NBEA: variants seen among roughly 807,000 people sequenced by gnomAD.
NBEA encodes lysosomal-trafficking regulator 2.
NBEA carries 44 observed loss-of-function variants against 343.4 expected under a neutral mutation model. The observed-to-expected ratio is 0.13, with a 90% CI of 0.10 to 0.16. NBEA has a LOEUF of 0.16. Ranked by LOEUF, NBEA falls within the 10% of genes least tolerant of loss-of-function variation. The pLI is 1.00. For synonymous variants in NBEA, 1,175 were observed against 1,238.7 expected, an observed-to-expected ratio of 0.95 and a Z score of 1.08; for missense variants, 2,555 against 3,631.3, an observed-to-expected ratio of 0.70 and a Z score of 7.62.
chr13:34,984,747 C>A (rs976974807), intron 1 of NBEA, among the ~76,000 whole-genome samples: 5 of 150,810 alleles, frequency 3.3e-5, no homozygotes, highest in Non-Finnish European at 7.4e-5. Flanking sequence ...TTGAAGAGGT[C>A]CTTCACATCC....
intron 41 of NBEA, among the ~76,000 whole-genome samples, chr13:35,517,771 A>G (rs1012934828): frequency 2.3e-4 from 35 of 152,274 alleles, no homozygotes; most frequent in Non-Finnish European, 4.3e-4. Flanking sequence ...GTCTTTTATT[A>G]TTTCTATAGT....
intron 17 of NBEA, among the ~76,000 whole-genome samples, chr13:35,129,517 A>C (rs1208451811): frequency 6.6e-6 from 1 of 152,138 alleles, no homozygotes; most frequent in Admixed American, 6.6e-5. Flanking sequence ...CATTAAACAG[A>C]TTAGACAAAG....
At chr13:35,235,440 A>G (rs2075180775) in intron 34 of NBEA, among the ~76,000 whole-genome samples, 1 of 152,218 alleles carries the variant, frequency 6.6e-6, no homozygotes, top group South Asian at 2.1e-4. Context: ...ATGTATAAAT[A>G]CTGACCAAAG....
At chr13:35,510,100 T>G (rs2077219094) in intron 41 of NBEA, among the ~76,000 whole-genome samples, 1 of 152,202 alleles carries the variant, frequency 6.6e-6, no homozygotes. Flanking sequence ...TTGAAAACAT[T>G]TGAAATGGGT....
chr13:35,619,341 T>C (rs1223206512), intron 48 of NBEA, among the ~76,000 whole-genome samples: 1 of 151,958 alleles, frequency 6.6e-6, no homozygotes, highest in Non-Finnish European at 1.5e-5. Flanking sequence ...CCAGTGAGCA[T>C]GACATAGAGT....
At chr13:35,148,544 G>A (rs1452913628) in intron 18 of NBEA, among the ~76,000 whole-genome samples, 1 of 151,872 alleles carries the variant, frequency 6.6e-6, no homozygotes, top group Non-Finnish European at 1.5e-5. Context: ...GCAAAAACTT[G>A]GAAAATGTAG....
chr13:35,413,933 T>C (rs185485364), intron 38 of NBEA, among the ~76,000 whole-genome samples: 13 of 152,234 alleles, frequency 8.5e-5, no homozygotes, highest in Admixed American at 7.2e-4. Flanking sequence ...GTATCATACA[T>C]GAGATAATAA....
intron 34 of NBEA, among the ~76,000 whole-genome samples, chr13:35,260,987 A>G (rs879862665): frequency 1.3e-5 from 2 of 152,234 alleles, no homozygotes; most frequent in Non-Finnish European, 2.9e-5. Context: ...CAGTAACTCA[A>G]TTATGAGAAC....
In NBEA at chr13:35,668,497, A is replaced by G. The variant is rs1332444081; in HGVS notation, c.8791A>G (p.Met2931Val). ...YPGCDAGIRA[M>V]DLSHDQRTLI... Reference sequence around the variant, plus strand: ...TGGATGTGATGCTGGCATTAGAGCAATGGACTTGTCCCATGACCAGAGGTG... The same window carrying G: ...TGGATGTGATGCTGGCATTAGAGCAGTGGACTTGTCCCATGACCAGAGGTG... Residue 2931 changes from methionine (M) to valine (V), a missense_variant, in exon 58 of 59, where the codon ATG (methionine) becomes GTG (valine). Transcript: ENST00000379939. 1 of 1,610,028 alleles carries G rather than the reference A, an allele frequency of 6.2e-7. No homozygotes were observed. The highest frequency in any genetic ancestry group is 1.1e-5 in the South Asian group (1 of 90,170).
In NBEA at chr13:34,942,628, C is replaced by T. The variant is rs2059063279; in HGVS notation, c.-193C>T. 3 of 327,942 alleles carry T rather than the reference C, an allele frequency of 9.1e-6. No individual in the cohort carries two copies. Among genetic ancestry groups the T allele is most frequent in the South Asian group, 1.4e-4 (1 of 7,344 alleles). The allele number at this position is 327,942 out of a possible 1,614,324, so 20.3% of individuals were successfully genotyped here. On this transcript the variant is annotated 5_prime_UTR_variant, in exon 1 of 59. Coordinates refer to ENST00000379939, the MANE Select transcript of NBEA (RefSeq NM_001385012.1). ...ACCGCCGAGAATAAGCCTGCGGATC[C>T]CCCGCCGCCTCCGCGGGGGAGAGCG... is the stretch of plus-strand genomic sequence containing the variant.
intron 1 of NBEA, among the ~76,000 whole-genome samples, chr13:35,015,889 A>T (rs1234863565): frequency 6.6e-6 from 1 of 152,138 alleles, no homozygotes; most frequent in Non-Finnish European, 1.5e-5. Context: ...TATTTCACAA[A>T]GTGCAGTTAT....
intron 44 of NBEA, among the ~76,000 whole-genome samples, chr13:35,561,949 G>A (rs1242765153): frequency 6.6e-6 from 1 of 151,732 alleles, no homozygotes; most frequent in Non-Finnish European, 1.5e-5. Context: ...ATAGAAAATT[G>A]GAAATACAAA....
rs1214967933 is a variant in NBEA, at chr13:35,671,271, G to C, written c.*280G>C. ...ATATATTGTTGTTTATTGAGAAAAG[G>C]TTGTAGGATGTGTCACAAGAGACTT... On this transcript the variant is annotated 3_prime_UTR_variant, in exon 59 of 59. Transcript: ENST00000379939. 7.7e-6 allele frequency: 2 copies of C among 260,192 alleles called. No homozygotes were observed. The highest frequency in any genetic ancestry group is 7.0e-5 in the East Asian group (1 of 14,220). The allele number at this position is 260,192 out of a possible 1,614,324, so 16.1% of individuals were successfully genotyped here.
intron 41 of NBEA, among the ~76,000 whole-genome samples, chr13:35,529,049 T>C (rs1046493022): frequency 3.3e-5 from 5 of 152,280 alleles, no homozygotes; most frequent in Admixed American, 2.6e-4. Context: ...TAAATAACTT[T>C]GTTAAACATG....
intron 11 of NBEA, among the ~76,000 whole-genome samples, chr13:35,101,716 A>G (rs142720409): frequency 6.6e-6 from 1 of 151,676 alleles, no homozygotes; most frequent in African/African-American, 2.4e-5. Context: ...CCTTTGGGAT[A>G]TCTTCTTTTG....
intron 44 of NBEA, among the ~76,000 whole-genome samples, chr13:35,563,782 A>C (rs2079999707): frequency 6.6e-6 from 1 of 152,004 alleles, no homozygotes; most frequent in African/African-American, 2.4e-5. Context: ...TAGACATGAA[A>C]TATGGCTATT....
At chr13:35,111,819 GTA>G (rs1227422216) in intron 13 of NBEA, among the ~76,000 whole-genome samples, 2 of 150,644 alleles carry the variant, frequency 1.3e-5, no homozygotes, top group Non-Finnish European at 3.0e-5. Context: ...AGTTTTACCA[GTA>G]TATGTTAGAG....
chr13:35,311,369 C>A (rs985739409), intron 36 of NBEA, among the ~76,000 whole-genome samples: 22 of 151,434 alleles, frequency 1.5e-4, no homozygotes, highest in Admixed American at 1.2e-3. Context: ...TAAGAGTTAT[C>A]AGAATTGAAC....
chr13:35,185,345 G>A (rs1175585572), intron 30 of NBEA: 3 of 1,048 alleles, frequency 2.9e-3, no homozygotes, highest in Non-Finnish European at 5.7e-3. Context: ...CTAATCATAT[G>A]GAACAGCACT....
Sources: allele counts gnomAD v4.1 joint callset (sites outside exome capture counted in the v4.1 genomes callset), GRCh38; gene constraint gnomAD v4.1.1; transcripts MANE v1.5; gene names NCBI Gene and HGNC (gene_info 2026-07-23, HGNC 2026-07-21).